The following BMPER variants were observed in gnomAD, a reference collection of about 807,000 sequenced individuals.
BMPER encodes BMP-binding endothelial regulator protein.
BMPER carries 45 observed loss-of-function variants against 87.3 expected under a neutral mutation model. That is an observed-to-expected ratio of 0.52 (90% CI 0.41 to 0.66). The LOEUF (loss-of-function observed/expected upper bound fraction) is 0.66. BMPER is among the 30% of genes least tolerant of loss of function. The pLI, the probability that BMPER is intolerant of heterozygous loss-of-function variation, is 0.00. For missense variants in BMPER, 784 were observed against 867.5 expected (o/e 0.90, Z 1.21); for synonymous variants, 326 against 316.2 (o/e 1.03, Z -0.33).
In BMPER at chr7:34,079,056, C is replaced by T. The variant is rs749265616; in HGVS notation, c.1278C>T (p.Gly426=). ...SWTKSVELVL[G]ESRVSLQQHL... is the part of the protein sequence containing the mutation. ...CCAAGTCGGTGGAGCTGGTGCTGGG[C>T]GAGAGCAGGGTCAGCCTGCAGCAGC... The change falls in exon 12 of 15, where the codon GGC becomes GGT. Residue 426 remains glycine (G), a synonymous_variant. Coordinates refer to ENST00000649409, the MANE Select transcript of BMPER (RefSeq NM_001365308.1). 2 of 1,614,024 alleles carry T rather than the reference C, an allele frequency of 1.2e-6. No homozygotes were observed. The highest frequency in any genetic ancestry group is 2.2e-5 in the East Asian group (1 of 44,882).
chr7:34,089,884 C>G (rs906063541), intron 13 of BMPER, among the ~76,000 whole-genome samples: 1 of 152,096 alleles, frequency 6.6e-6, no homozygotes. Context: ...TGAAAAACTA[C>G]CACTTTGTAA....
chr7:33,933,724 T>G (rs1193274621), intron 2 of BMPER, among the ~76,000 whole-genome samples: 2 of 152,014 alleles, frequency 1.3e-5, no homozygotes, highest in African/African-American at 2.4e-5. Flanking sequence ...CGTTAGAGAG[T>G]TCCTGTCTGG....
At chr7:34,029,351 G>A (rs941486277) in intron 6 of BMPER, among the ~76,000 whole-genome samples, 1 of 152,108 alleles carries the variant, frequency 6.6e-6, no homozygotes, top group Non-Finnish European at 1.5e-5. Context: ...TGGGGGACCA[G>A]GCTAGAGATG....
chr7:33,938,431 G>T (rs569116031), intron 3 of BMPER, among the ~76,000 whole-genome samples: 448 of 152,312 alleles, frequency 2.9e-3, no homozygotes, highest in Non-Finnish European at 5.4e-3. Flanking sequence ...GTCTTTATAA[G>T]AAGAGGAAGA....
chr7:33,944,746 A>G (rs1784844479), intron 3 of BMPER, among the ~76,000 whole-genome samples: 2 of 152,182 alleles, frequency 1.3e-5, no homozygotes, highest in African/African-American at 4.8e-5. Flanking sequence ...AGCTACTTCT[A>G]TAATTAATGT....
At chr7:34,129,666 A>AAGAAAGAAAGAAAGAAAGAC (rs1562762293) in intron 13 of BMPER, among the ~76,000 whole-genome samples, 232 of 151,094 alleles carry the variant, frequency 1.5e-3, no homozygotes, top group African/African-American at 5.2e-3. Flanking sequence ...GAAAGAAAGA[A>AAGAAAGAAAGAAAGAAAGAC]AGAAAGAAAG....
At chr7:34,118,655 T>G (rs957364285) in intron 13 of BMPER, among the ~76,000 whole-genome samples, 1 of 152,142 alleles carries the variant, frequency 6.6e-6, no homozygotes, top group African/African-American at 2.4e-5. Context: ...GTGTGCCAAT[T>G]TGGCTAAGCA....
In BMPER at chr7:33,968,149, C is replaced by T. The variant is rs574040212; in HGVS notation, c.402+1588C>T. Among the ~76,000 whole-genome samples, 20 of 152,270 alleles carry T rather than the reference C, an allele frequency of 1.3e-4. No individual in the cohort carries two copies. In the East Asian group the frequency reaches 3.7e-3, roughly 28 times the overall value. ...GCCTTGGGAGTCAGGAGATGCTGAC[C>T]TGTAAAATGGGGAAGAGAAAGTTGA... On this transcript the variant is annotated intron_variant, in intron 4 of 14. Coordinates refer to ENST00000649409, the MANE Select transcript of BMPER (RefSeq NM_001365308.1).
chr7:34,080,752 A>C (rs1296180825), intron 12 of BMPER, among the ~76,000 whole-genome samples: 1 of 152,228 alleles, frequency 6.6e-6, no homozygotes, highest in Non-Finnish European at 1.5e-5. Context: ...GGAAATTATT[A>C]GTCAACCACA....
chr7:34,077,838 CT>C (rs1458405407), intron 11 of BMPER, among the ~76,000 whole-genome samples: 1 of 152,062 alleles, frequency 6.6e-6, no homozygotes, highest in Non-Finnish European at 1.5e-5. Context: ...TTCTCATATT[CT>C]TGACCTAGTA....
chr7:33,921,197 T>C (rs1416490719), intron 2 of BMPER, among the ~76,000 whole-genome samples: 1 of 152,240 alleles, frequency 6.6e-6, no homozygotes, highest in Non-Finnish European at 1.5e-5. Context: ...TAGCGTCTAA[T>C]TCTCATGATC....
intron 6 of BMPER, among the ~76,000 whole-genome samples, chr7:34,024,110 C>T (rs1200442235): frequency 2.7e-5 from 4 of 150,432 alleles, no homozygotes; most frequent in African/African-American, 9.8e-5. Flanking sequence ...TTTATTTTTT[C>T]AGTTAAATTA....
At chr7:33,937,014 A>G (rs915243448) in intron 2 of BMPER, among the ~76,000 whole-genome samples, 3 of 152,174 alleles carry the variant, frequency 2.0e-5, no homozygotes, top group Admixed American at 2.0e-4. Flanking sequence ...AGCGGGAGAG[A>G]ACTTCTCCCT....
intron 11 of BMPER, among the ~76,000 whole-genome samples, chr7:34,068,202 A>C (rs1464562026): frequency 6.6e-6 from 1 of 152,218 alleles, no homozygotes; most frequent in Non-Finnish European, 1.5e-5. Flanking sequence ...TCCATTTTAC[A>C]GTTGAGGGAA....
chr7:34,134,581 A>G (rs1790673324), intron 13 of BMPER, among the ~76,000 whole-genome samples: 1 of 152,140 alleles, frequency 6.6e-6, no homozygotes, highest in Non-Finnish European at 1.5e-5. Context: ...AGATAGCTTA[A>G]CTTCCCAACA....
chr7:33,935,414 C>T (rs1403125259), intron 2 of BMPER, among the ~76,000 whole-genome samples: 1 of 152,120 alleles, frequency 6.6e-6, no homozygotes, highest in Non-Finnish European at 1.5e-5. Context: ...TTAGATTAAC[C>T]AGATCTGAGC....
intron 3 of BMPER, among the ~76,000 whole-genome samples, chr7:33,961,368 G>C (rs1187921169): frequency 1.3e-5 from 2 of 152,144 alleles, no homozygotes; most frequent in South Asian, 2.1e-4. Flanking sequence ...GCTAGGGGTG[G>C]GTGCCTGGTC....
At chr7:33,952,026 G>T (rs1033707652) in intron 3 of BMPER, among the ~76,000 whole-genome samples, 1 of 152,166 alleles carries the variant, frequency 6.6e-6, no homozygotes, top group East Asian at 1.9e-4. Context: ...ATTTTCATAT[G>T]GTAGTGGCTG....
At chr7:34,113,971 G>A (rs1199590572) in intron 13 of BMPER, among the ~76,000 whole-genome samples, 1 of 152,078 alleles carries the variant, frequency 6.6e-6, no homozygotes, top group Non-Finnish European at 1.5e-5. Flanking sequence ...TGAGAGTATT[G>A]GTGCCGTCTT....
Sources: gnomAD v4.1 joint callset for allele counts (sites outside exome capture counted in the v4.1 genomes callset) on GRCh38, gnomAD v4.1.1 for gene constraint, MANE v1.5 for transcripts, NCBI Gene and HGNC (gene_info 2026-07-23, HGNC 2026-07-21) for gene names.